Variants in C6 observed in about 807,000 individuals in gnomAD.
The protein encoded by C6 is complement component C6.
In C6, 101 loss-of-function variants were observed where a neutral mutation model predicts 112.9. The observed-to-expected ratio is 0.89, with a 90% CI of 0.76 to 1.06. C6 has a LOEUF of 1.06. Ranked by LOEUF, C6 falls within the 50% of genes least tolerant of loss-of-function variation. The pLI, the probability that C6 is intolerant of heterozygous loss-of-function variation, is 0.00. For synonymous variants in C6, 431 were observed against 384.1 expected (o/e 1.12, Z -1.43); for missense variants, 1,202 against 1,104.6 (o/e 1.09, Z -1.25).
chr5:41,181,336 AGG>A, intron 7 of C6, 21 bp downstream of exon 7: 1 of 1,600,302 alleles, frequency 6.2e-7, no homozygotes, highest in Non-Finnish European at 8.6e-7. Flanking sequence ...AAAGAATAAA[AGG>A]TTGGAAACCA....
At chr5:41,199,704 G>T in intron 4 of C6, 64 bp downstream of exon 4, 2 of 1,467,076 alleles carry the variant, frequency 1.4e-6, no homozygotes, top group Non-Finnish European at 1.9e-6. Flanking sequence ...TAGTCAATTG[G>T]AGTAACTTTG....
chr5:41,154,271 C>G (rs569616744), intron 14 of C6, among the ~76,000 whole-genome samples: 2 of 152,196 alleles, frequency 1.3e-5, no homozygotes, highest in Non-Finnish European at 2.9e-5. Context: ...TCATTGGGAC[C>G]TTTTCCTTTC....
intron 17 of C6, among the ~76,000 whole-genome samples, chr5:41,149,022 A>G (rs1289267933): frequency 6.6e-6 from 1 of 152,208 alleles, no homozygotes; most frequent in Non-Finnish European, 1.5e-5. Context: ...ATATGCATAG[A>G]GAAAAGATTG....
intron 7 of C6, among the ~76,000 whole-genome samples, chr5:41,179,717 T>A (rs1304546815): frequency 1.3e-5 from 2 of 148,708 alleles, no homozygotes; most frequent in African/African-American, 4.9e-5. Flanking sequence ...TATATATAAT[T>A]TATACATAAA....
intron 1 of C6, among the ~76,000 whole-genome samples, chr5:41,221,392 T>A (rs1422244669): frequency 1.3e-5 from 2 of 152,222 alleles, no homozygotes; most frequent in East Asian, 3.8e-4. Context: ...TGTATAGCCC[T>A]GTAAAGCTCA....
chr5:41,185,500 C>T (rs1749696764), intron 6 of C6, among the ~76,000 whole-genome samples: 1 of 152,132 alleles, frequency 6.6e-6, no homozygotes, highest in Admixed American at 6.5e-5. Flanking sequence ...GTATGGAGCA[C>T]TTACGTGTAA....
In C6 at chr5:41,196,508, A is replaced by G. The variant is rs541725938; in HGVS notation, c.446-575T>C. Among the ~76,000 whole-genome samples, 222 of 152,060 alleles carry G rather than the reference A, an allele frequency of 1.5e-3. 2 individuals are homozygous for G. The highest frequency in any genetic ancestry group is 6.6e-3 in the South Asian group (32 of 4,816). On this transcript the variant is annotated intron_variant, in intron 4 of 17. Coordinates refer to ENST00000337836, the MANE Select transcript of C6 (RefSeq NM_000065.5). Reference sequence around the variant, plus strand: ...TTTTGGGTTTATGGGAATTTTCTATATCTCGATATAGAAATCTGTATTTTC... The same window carrying G: ...TTTTGGGTTTATGGGAATTTTCTATGTCTCGATATAGAAATCTGTATTTTC...
intron 1 of C6, among the ~76,000 whole-genome samples, chr5:41,235,458 T>G (rs997173987): frequency 7.0e-6 from 1 of 142,698 alleles, no homozygotes; most frequent in East Asian, 2.2e-4. Context: ...TGCCACATTT[T>G]CTTAATCCAG....
intron 1 of C6, chr5:41,203,579 C>CCGAG: frequency 1.6e-4 from 46 of 294,070 alleles, no homozygotes; most frequent in Admixed American, 2.6e-4. Context: ...CAGTCTTACC[C>CCGAG]TTCTCAAAAC....
intron 17 of C6, among the ~76,000 whole-genome samples, chr5:41,144,271 C>A (rs910151129): frequency 6.6e-6 from 1 of 152,012 alleles, no homozygotes; most frequent in Non-Finnish European, 1.5e-5. Context: ...TTGATCGTTT[C>A]TTTTCTTTTT....
intron 17 of C6, 32 bp downstream of exon 17, chr5:41,149,209 G>A: frequency 1.2e-6 from 2 of 1,612,934 alleles, no homozygotes; most frequent in Non-Finnish European, 1.7e-6. Context: ...GGTTAAGTGA[G>A]AGCATTTAGT....
At chr5:41,145,097 C>T (rs1745693545) in intron 17 of C6, among the ~76,000 whole-genome samples, 1 of 152,160 alleles carries the variant, frequency 6.6e-6, no homozygotes, top group Non-Finnish European at 1.5e-5. Flanking sequence ...TGGGTATATA[C>T]CCAGTAATGG....
chr5:41,238,676 C>G (rs886327466), intron 1 of C6, among the ~76,000 whole-genome samples: 2 of 152,098 alleles, frequency 1.3e-5, no homozygotes, highest in African/African-American at 2.4e-5. Context: ...GGTGTAATAT[C>G]TGACATCATG....
chr5:41,161,815 C>A lies in C6; in HGVS notation c.1336G>T (p.Gly446Cys), dbSNP rs1378300037. 1.9e-6 allele frequency: 3 copies of A among 1,613,664 alleles called. No homozygotes were observed. The highest frequency in any genetic ancestry group is 4.5e-5 in the East Asian group (2 of 44,852). Residue 446 changes from glycine to cysteine, a missense_variant, in exon 10 of 18, where the codon GGT (glycine) becomes TGT (cysteine). Gly to Cys is a radical substitution (Grantham distance 159). Coordinates refer to ENST00000337836, the MANE Select transcript of C6 (RefSeq NM_000065.5). ...GCTGCTCCATATTCACTCCTTCCACCTCGAATCAGGGATATGGATTTCTCT... is the reference window on the plus strand; with the variant it reads ...GCTGCTCCATATTCACTCCTTCCACATCGAATCAGGGATATGGATTTCTCT... ...GAEKSISLIR[G>C]GRSEYGAALA... is the part of the protein sequence containing the mutation.
chr5:41,237,190 C>A (rs1740378090), intron 1 of C6, among the ~76,000 whole-genome samples: 1 of 137,116 alleles, frequency 7.3e-6, no homozygotes, highest in Admixed American at 7.5e-5. Flanking sequence ...CTTTTCTAAT[C>A]AATAGAAAAA....
intron 16 of C6, 114 bp from the exon 17 acceptor site, chr5:41,149,596 C>A: frequency 1.5e-6 from 2 of 1,327,962 alleles, no homozygotes; most frequent in Non-Finnish European, 2.1e-6. Context: ...CTGTTTTCCC[C>A]ACCCCACTCC....
intron 11 of C6, 30 bp downstream of exon 11, chr5:41,160,112 T>A: frequency 1.3e-6 from 2 of 1,557,842 alleles, no homozygotes; most frequent in Non-Finnish European, 1.8e-6. Context: ...GGAAAACTTA[T>A]CTACCTCACA....
chr5:41,154,979 TTCCACATCCCCTTGTC>T lies in C6; in HGVS notation c.2078_2093del (p.Arg693AsnfsTer16). ...TGTTTGCCCAGTTCTCACGTTGGCA[TTCCACATCCCCTTGTC>T]TCCAGGTCCCGTCTGGTAAGCATCT... On this transcript the variant is annotated frameshift_variant, in exon 14 of 18. Coordinates refer to ENST00000337836, the MANE Select transcript of C6 (RefSeq NM_000065.5). LOFTEE classifies it high-confidence loss of function. 6.2e-7 allele frequency: 1 copy of T among 1,613,766 alleles called. No individual in the cohort carries two copies. The highest frequency in any genetic ancestry group is 8.5e-7 in the Non-Finnish European group (1 of 1,179,736).
chr5:41,230,397 G>A (rs1739821146), intron 1 of C6, among the ~76,000 whole-genome samples: 1 of 152,058 alleles, frequency 6.6e-6, no homozygotes, highest in South Asian at 2.1e-4. Flanking sequence ...GCATTCCTGG[G>A]GGGAGGTCTA....
Sources: gnomAD v4.1 joint callset for allele counts (sites outside exome capture counted in the v4.1 genomes callset) on GRCh38, gnomAD v4.1.1 for gene constraint, MANE v1.5 for transcripts, NCBI Gene and HGNC (gene_info 2026-07-23, HGNC 2026-07-21) for gene names.